Variants in GPR39 observed in about 807,000 individuals in gnomAD.
The protein encoded by GPR39 is G protein-coupled receptor 39.
GPR39 carries 23 observed loss-of-function variants against 18.4 expected under a neutral mutation model. The ratio of observed to expected loss-of-function variants is 1.25; its 90% CI spans 0.90 to 1.77. The LOEUF (loss-of-function observed/expected upper bound fraction) is 1.77. Among genes scored for constraint, GPR39 ranks in the 40% most tolerant of loss-of-function variants. The pLI is 0.00. For missense variants in GPR39, 647 were observed against 602.4 expected (o/e 1.07, Z -0.78); for synonymous variants, 280 against 257.9 (o/e 1.09, Z -0.82).
intron 1 of GPR39, among the ~76,000 whole-genome samples, chr2:132,466,752 G>C (rs1429951675): frequency 6.6e-6 from 1 of 152,188 alleles, no homozygotes; most frequent in Non-Finnish European, 1.5e-5. Context: ...GAGAATGACA[G>C]GTAGAAAATT....
At chr2:132,436,847 G>A (rs957956899) in intron 1 of GPR39, among the ~76,000 whole-genome samples, 9 of 152,148 alleles carry the variant, frequency 5.9e-5, no homozygotes, top group African/African-American at 9.7e-5. Flanking sequence ...ATCCCGCAGC[G>A]TGGTTATGTG....
At chr2:132,490,088 A>G (rs10177637) in intron 1 of GPR39, among the ~76,000 whole-genome samples, 3,741 of 151,936 alleles carry the variant, frequency 0.025, 203 homozygotes, top group African/African-American at 0.086. Flanking sequence ...CTCTTCTGCC[A>G]AAGCCTGGCT....
At chr2:132,423,174 C>T (rs1335532474) in intron 1 of GPR39, among the ~76,000 whole-genome samples, 1 of 151,880 alleles carries the variant, frequency 6.6e-6, no homozygotes, top group Non-Finnish European at 1.5e-5. Context: ...ACTGACTCTC[C>T]ACCTCTACTC....
At chr2:132,577,674 T>C (rs1187681355) in intron 1 of GPR39, among the ~76,000 whole-genome samples, 1 of 152,202 alleles carries the variant, frequency 6.6e-6, no homozygotes, top group Non-Finnish European at 1.5e-5. Flanking sequence ...TAATGTTGGT[T>C]TCCATATGTT....
chr2:132,417,588 C>T lies in GPR39; in HGVS notation c.546C>T (p.Asn182=), dbSNP rs377167969. The T allele has an allele frequency of 1.2e-6, 2 of 1,614,116 alleles. No individual in the cohort carries two copies. The highest frequency in any genetic ancestry group is 1.7e-5 in the Admixed American group (1 of 60,020). The stretch of plus-strand genomic sequence containing the variant: ...TGGGTACTGAGTACCCCCTGGTGAA[C>T]GTGCCCAGCCACCGGGGTCTCACTT... The part of the protein sequence containing the change: ...FAMGTEYPLV[N]VPSHRGLTCN... Residue 182 remains asparagine (N), a synonymous_variant, in exon 1 of 2, where the codon AAC becomes AAT. Transcript: ENST00000329321.
At chr2:132,462,852 G>A (rs1680859357) in intron 1 of GPR39, among the ~76,000 whole-genome samples, 1 of 152,062 alleles carries the variant, frequency 6.6e-6, no homozygotes, top group South Asian at 2.1e-4. Flanking sequence ...TACAGATAAA[G>A]CATTTAGAAT....
chr2:132,492,589 T>C (rs1317588189), intron 1 of GPR39, among the ~76,000 whole-genome samples: 1 of 135,846 alleles, frequency 7.4e-6, no homozygotes, highest in Non-Finnish European at 1.5e-5. Flanking sequence ...ATACACACCA[T>C]ATATATACCA....
At chr2:132,606,224 A>G (rs1396677412) in intron 1 of GPR39, 1 of 152,300 alleles carries the variant, frequency 6.6e-6, no homozygotes, top group African/African-American at 2.4e-5. Context: ...CAACAGCCCT[A>G]TCAACGTAGG....
intron 1 of GPR39, among the ~76,000 whole-genome samples, chr2:132,538,129 T>C (rs1210077031): frequency 6.6e-6 from 1 of 152,206 alleles, no homozygotes; most frequent in Non-Finnish European, 1.5e-5. Flanking sequence ...AGAGGCACTC[T>C]GGCATTTGGA....
rs1435510773 is a variant in GPR39, at chr2:132,417,861, G to C, written c.819G>C (p.Glu273Asp). The change falls in exon 1 of 2, where the codon GAG becomes GAC. Residue 273 changes from glutamate (E) to aspartate (D), a missense_variant. By Grantham distance (45) the Glu-to-Asp change is conservative. Around this residue, in one of 3 missense-constraint regions of GPR39, gnomAD observed 581 missense variants for 506.8 expected, o/e 1.15. Coordinates refer to ENST00000329321, the MANE Select transcript of GPR39 (RefSeq NM_001508.3). ...PPQLRKSESE[E>D]SRTARRQTII... Reference sequence around the variant, plus strand: ...AGCTGAGGAAGTCCGAGAGCGAAGAGAGCAGGACCGCCAGGAGGCAGACCA... The same window carrying C: ...AGCTGAGGAAGTCCGAGAGCGAAGACAGCAGGACCGCCAGGAGGCAGACCA... The C allele has an allele frequency of 3.1e-6, 5 of 1,605,206 alleles. No individual in the cohort carries two copies. The highest frequency in any genetic ancestry group is 4.2e-6 in the Non-Finnish European group (5 of 1,177,134).
At chr2:132,443,817 C>T (rs982734420) in intron 1 of GPR39, among the ~76,000 whole-genome samples, 4 of 152,016 alleles carry the variant, frequency 2.6e-5, no homozygotes, top group African/African-American at 9.7e-5. Context: ...AGCCTGTAAT[C>T]CCAGCACTTT....
chr2:132,643,035 G>C (rs1681887378), intron 1 of GPR39, among the ~76,000 whole-genome samples: 1 of 152,132 alleles, frequency 6.6e-6, no homozygotes, highest in Admixed American at 6.5e-5. Flanking sequence ...AGCACAAGTG[G>C]CTGGGAACAC....
At chr2:132,424,763 C>T (rs2104754804) in intron 1 of GPR39, among the ~76,000 whole-genome samples, 1 of 152,294 alleles carries the variant, frequency 6.6e-6, no homozygotes, top group South Asian at 2.1e-4. Context: ...GGTCAAAGTA[C>T]AGGCCTGGCT....
chr2:132,442,653 A>G (rs890490620), intron 1 of GPR39, among the ~76,000 whole-genome samples: 3 of 152,208 alleles, frequency 2.0e-5, no homozygotes, highest in African/African-American at 7.2e-5. Flanking sequence ...AAGAAGAGAA[A>G]ACAAATGAAT....
At chr2:132,633,946 G>C (rs1435447464) in intron 1 of GPR39, among the ~76,000 whole-genome samples, 4 of 144,382 alleles carry the variant, frequency 2.8e-5, no homozygotes, top group Non-Finnish European at 5.9e-5. Context: ...AGTGTTGGTA[G>C]AGGTGGAGGC....
At chr2:132,582,610 C>T (rs1178317227) in intron 1 of GPR39, among the ~76,000 whole-genome samples, 5 of 152,066 alleles carry the variant, frequency 3.3e-5, no homozygotes, top group African/African-American at 1.2e-4. Flanking sequence ...GGTCAAGGTG[C>T]CTGTCTCAGT....
rs553247769 is a variant in GPR39 at position 132,526,252 on chromosome 2, T to A, written c.856+108354T>A. On this transcript the variant is annotated intron_variant, in intron 1 of 1. Transcript: ENST00000329321. ...GATGCACTGTATCACCTTACTAAAA[T>A]CTGGGAAATTTTGAATTCCTACAGA... Among the ~76,000 whole-genome samples the A allele has an allele frequency of 1.8e-4, 27 of 152,306 alleles. No individual in the cohort carries two copies. The South Asian group carries it at 5.4e-3, about 30-fold the overall frequency.
intron 1 of GPR39, among the ~76,000 whole-genome samples, chr2:132,556,964 C>T (rs887889943): frequency 9.9e-5 from 15 of 152,144 alleles, no homozygotes; most frequent in African/African-American, 3.6e-4. Flanking sequence ...TTGGGTAGAA[C>T]ATTTATTTGG....
chr2:132,560,529 A>G (rs1680232648), intron 1 of GPR39, among the ~76,000 whole-genome samples: 1 of 152,132 alleles, frequency 6.6e-6, no homozygotes, highest in Non-Finnish European at 1.5e-5. Flanking sequence ...TCCCCGCTCT[A>G]CTGAAATGGC....
Sources: gnomAD v4.1 joint callset for allele counts (sites outside exome capture counted in the v4.1 genomes callset) on GRCh38, gnomAD v4.1.1 for gene constraint, gnomAD v4.1.1 regional missense constraint, MANE v1.5 for transcripts, NCBI Gene and HGNC (gene_info 2026-07-23, HGNC 2026-07-21) for gene names.